SIK2: variants seen among roughly 807,000 people sequenced by gnomAD.
SIK2 encodes serine/threonine-protein kinase SIK2.
A neutral mutation model predicts 103.2 loss-of-function variants in SIK2; 29 were observed. The ratio of observed to expected loss-of-function variants is 0.28; its 90% confidence interval spans 0.21 to 0.38. SIK2 has a LOEUF of 0.38. SIK2 is among the 10% of genes least tolerant of loss of function. The probability of loss-of-function intolerance (pLI) is 1.00; values close to 1 mark genes in which losing one functional copy is unlikely to be tolerated. For missense variants in SIK2, 879 were observed against 1,171.0 expected (o/e 0.75, Z 3.64); for synonymous variants, 412 against 446.1 (o/e 0.92, Z 0.96).
At chr11:111,674,652 G>A (rs764914070) in intron 3 of SIK2, among the ~76,000 whole-genome samples, 6 of 152,216 alleles carry the variant, frequency 3.9e-5, no homozygotes, top group Admixed American at 6.5e-5. Context: ...TAGTGAAAAT[G>A]TTCAAAAGAT....
intron 4 of SIK2, among the ~76,000 whole-genome samples, chr11:111,689,955 G>T: frequency 6.7e-6 from 1 of 148,792 alleles, no homozygotes; most frequent in African/African-American, 2.5e-5. Flanking sequence ...AAGTTAATTT[G>T]TTATATTCAT....
In SIK2 at chr11:111,721,785, T is replaced by TC. The variant is rs533174540; in HGVS notation, c.1945-41dup. On this transcript the variant is annotated intron_variant, in intron 12 of 14. Transcript: ENST00000304987. The stretch of plus-strand genomic sequence containing the variant: ...CTTCAGCTAAGAACTGAGACGTTTT[T>TC]CCCCATGGGGAATTGAAAATTGTTT... 4.0e-4 allele frequency: 595 copies of TC among 1,499,042 alleles called. 3 individuals are homozygous for TC. The African/African-American group carries it at 7.3e-3, about 18-fold the overall frequency. The allele number at this position is 1,499,042 out of a possible 1,614,324, so 92.9% of individuals were successfully genotyped here. A position where few individuals can be genotyped will look rare whatever the true frequency, so the allele number is the denominator to read the frequency against.
At chr11:111,704,910 C>CT (rs36106790) in intron 7 of SIK2, 77 bp from the exon 8 acceptor site, 331,455 of 1,393,352 alleles carry the variant, frequency 0.24, 27,959 homozygotes, top group Middle Eastern at 0.28. Context: ...TTTCTTTCCT[C>CT]TTTTTTTTTA....
intron 3 of SIK2, among the ~76,000 whole-genome samples, 162 bp downstream of exon 3, chr11:111,620,564 C>T (rs1410073796): frequency 6.6e-6 from 1 of 151,954 alleles, no homozygotes; most frequent in Non-Finnish European, 1.5e-5. Context: ...TGAAATATAA[C>T]TTATTTCCTT....
intron 11 of SIK2, 38 bp downstream of exon 11, chr11:111,720,800 G>T (rs375806207): frequency 6.4e-7 from 1 of 1,571,332 alleles, no homozygotes; most frequent in South Asian, 1.2e-5. Context: ...AACTCGCGTC[G>T]TAGGAGAGCA....
At chr11:111,609,098 T>G (rs143534376) in intron 1 of SIK2, among the ~76,000 whole-genome samples, 1 of 148,226 alleles carries the variant, frequency 6.7e-6, no homozygotes, top group Non-Finnish European at 1.5e-5. Context: ...TATATGATGA[T>G]GATTTGCATT....
intron 3 of SIK2, among the ~76,000 whole-genome samples, chr11:111,647,877 G>T (rs1157942998): frequency 1.3e-5 from 2 of 151,884 alleles, no homozygotes; most frequent in Non-Finnish European, 2.9e-5. Context: ...CAAAAAAAAA[G>T]AAAAAGAAAA....
intron 3 of SIK2, among the ~76,000 whole-genome samples, chr11:111,627,167 G>A (rs1238006461): frequency 1.3e-5 from 2 of 152,068 alleles, no homozygotes; most frequent in Non-Finnish European, 2.9e-5. Context: ...GAATGGTCTG[G>A]TAGCCAGCCC....
chr11:111,685,887 A>G (rs1317533756), intron 3 of SIK2, among the ~76,000 whole-genome samples: 1 of 152,166 alleles, frequency 6.6e-6, no homozygotes, highest in Non-Finnish European at 1.5e-5. Context: ...AAGGATGGTT[A>G]GGATTTCAAC....
intron 3 of SIK2, among the ~76,000 whole-genome samples, chr11:111,663,085 T>A (rs1270444909): frequency 1.3e-5 from 2 of 151,364 alleles, no homozygotes; most frequent in Admixed American, 1.3e-4. Flanking sequence ...ATACAAAAAA[T>A]TAGCCAGGTG....
rs761208814 is a variant in SIK2, at chr11:111,720,643, G to A, written c.1661G>A (p.Ser554Asn). 1.9e-6 allele frequency: 3 copies of A among 1,613,902 alleles called. No individual in the cohort carries two copies. The highest frequency in any genetic ancestry group is 2.5e-6 in the Non-Finnish European group (3 of 1,180,006). Reference protein sequence around the residue: ...PSPRMTSPFISLRPTNPAMQA... With the variant: ...PSPRMTSPFINLRPTNPAMQA... ...CCCCGCATGACATCTCCCTTCATAA[G>A]CCTGAGACCTACCAACCCAGCCATG... Residue 554 changes from serine (S) to asparagine (N), a missense_variant, in exon 11 of 15, where the codon AGC becomes AAC. By Grantham distance (46) the Ser-to-Asn change is conservative. This residue lies in a region of SIK2 where 222 missense variants were observed against 258.0 expected (regional missense o/e 0.86). Transcript: ENST00000304987.
At chr11:111,657,264 A>C (rs1361099400) in intron 3 of SIK2, among the ~76,000 whole-genome samples, 1 of 152,078 alleles carries the variant, frequency 6.6e-6, no homozygotes, top group Non-Finnish European at 1.5e-5. Context: ...TTTTGGGTGC[A>C]TGTTTTTTCC....
rs555055939 is a variant in SIK2, at chr11:111,610,961, T to G, written c.136-5282T>G. Reference sequence around the variant, plus strand: ...ATACTCTATTGATTATATGTACACATAAGGCTGGGTGAGGTGGCTCACACC... The same window carrying G: ...ATACTCTATTGATTATATGTACACAGAAGGCTGGGTGAGGTGGCTCACACC... On this transcript the variant is annotated intron_variant, in intron 1 of 14. Coordinates refer to ENST00000304987, the MANE Select transcript of SIK2 (RefSeq NM_015191.3). Among the ~76,000 whole-genome samples, 4 of 152,254 alleles carry G rather than the reference T, an allele frequency of 2.6e-5. No individual in the cohort carries two copies. In the East Asian group the frequency reaches 7.7e-4, roughly 29 times the overall value.
chr11:111,651,206 T>G (rs772447640), intron 3 of SIK2, among the ~76,000 whole-genome samples: 1 of 152,220 alleles, frequency 6.6e-6, no homozygotes, highest in Non-Finnish European at 1.5e-5. Flanking sequence ...TTAGGTAGAC[T>G]CTGAGTTTGA....
intron 4 of SIK2, among the ~76,000 whole-genome samples, chr11:111,689,812 G>A (rs984948809): frequency 6.6e-6 from 1 of 152,096 alleles, no homozygotes; most frequent in African/African-American, 2.4e-5. Flanking sequence ...GGCAATTAGG[G>A]GAAGGCAAAT....
At chr11:111,667,161 C>T (rs1217234025) in intron 3 of SIK2, among the ~76,000 whole-genome samples, 1 of 151,970 alleles carries the variant, frequency 6.6e-6, no homozygotes, top group Non-Finnish European at 1.5e-5. Flanking sequence ...GTTGGCCAGG[C>T]TGGTCTCAAA....
intron 3 of SIK2, among the ~76,000 whole-genome samples, chr11:111,641,235 C>T (rs1942178902): frequency 6.6e-6 from 1 of 152,158 alleles, no homozygotes; most frequent in African/African-American, 2.4e-5. Context: ...TCTGTATTCC[C>T]AAGGCTTCAG....
At chr11:111,654,198 G>A (rs960180220) in intron 3 of SIK2, among the ~76,000 whole-genome samples, 1 of 152,148 alleles carries the variant, frequency 6.6e-6, no homozygotes, top group Non-Finnish European at 1.5e-5. Context: ...ATCTGAAGGG[G>A]AGGAAGAACT....
intron 3 of SIK2, among the ~76,000 whole-genome samples, chr11:111,682,059 A>G (rs1328575676): frequency 6.6e-6 from 1 of 152,200 alleles, no homozygotes; most frequent in Non-Finnish European, 1.5e-5. Flanking sequence ...TAGGAGAAAG[A>G]TTGCTAAGAA....
Sources: gnomAD v4.1 joint callset for allele counts (sites outside exome capture counted in the v4.1 genomes callset) on GRCh38, gnomAD v4.1.1 for gene constraint, gnomAD v4.1.1 regional missense constraint, MANE v1.5 for transcripts, NCBI Gene and HGNC (gene_info 2026-07-23, HGNC 2026-07-21) for gene names.